NBEA: variants seen among roughly 807,000 people sequenced by gnomAD.
NBEA encodes the protein neurobeachin.
A neutral mutation model predicts 343.4 loss-of-function variants in NBEA; 44 were observed. The observed-to-expected ratio is 0.13, with a 90% CI of 0.10 to 0.16. The LOEUF (loss-of-function observed/expected upper bound fraction) is 0.16, where lower values mean the gene tolerates loss of function less well. Ranked by LOEUF, NBEA falls within the 10% of genes least tolerant of loss-of-function variation. The pLI, the probability that NBEA is intolerant of heterozygous loss-of-function variation, is 1.00. For synonymous variants in NBEA, 1,175 were observed against 1,238.7 expected (o/e 0.95, Z 1.08); for missense variants, 2,555 against 3,631.3 (o/e 0.70, Z 7.62).
At chr13:35,486,435 T>G (rs1438122632) in intron 41 of NBEA, among the ~76,000 whole-genome samples, 1 of 152,130 alleles carries the variant, frequency 6.6e-6, no homozygotes, top group African/African-American at 2.4e-5. Flanking sequence ...CATTTGATAC[T>G]TAAAATAATT....
chr13:34,948,622 C>G (rs577245339), intron 1 of NBEA, among the ~76,000 whole-genome samples: 6 of 152,136 alleles, frequency 3.9e-5, no homozygotes, highest in Non-Finnish European at 8.8e-5. Flanking sequence ...ACATTAGTAT[C>G]TGGAAATGAC....
chr13:35,190,435 A>G (rs2072098296), intron 30 of NBEA, among the ~76,000 whole-genome samples: 1 of 152,110 alleles, frequency 6.6e-6, no homozygotes. Flanking sequence ...AGAGAGTTTT[A>G]AACCATGAGA....
At chr13:35,088,664 T>A (rs2786224) in intron 10 of NBEA, among the ~76,000 whole-genome samples, 5,301 of 151,780 alleles carry the variant, frequency 0.035, 178 homozygotes, top group East Asian at 0.14. Flanking sequence ...AAACTTTTTT[T>A]AAAAAAAATC....
intron 48 of NBEA, among the ~76,000 whole-genome samples, chr13:35,620,422 CA>C (rs2082929291): frequency 6.6e-6 from 1 of 151,916 alleles, no homozygotes; most frequent in Non-Finnish European, 1.5e-5. Flanking sequence ...AACATTAGAG[CA>C]AAGGCCTTAT....
chr13:35,000,441 A>G (rs188196039), intron 1 of NBEA, among the ~76,000 whole-genome samples: 19 of 152,180 alleles, frequency 1.2e-4, no homozygotes, highest in African/African-American at 4.3e-4. Flanking sequence ...AAAAGAATAA[A>G]TCTACATGTA....
chr13:35,350,941 T>G (rs994953251), intron 37 of NBEA, among the ~76,000 whole-genome samples: 7 of 151,990 alleles, frequency 4.6e-5, no homozygotes, highest in Non-Finnish European at 1.5e-5. Context: ...TTTAGTTAAC[T>G]ACTGTAGTTG....
intron 40 of NBEA, among the ~76,000 whole-genome samples, chr13:35,461,940 G>A (rs1398328326): frequency 1.3e-5 from 2 of 152,166 alleles, no homozygotes; most frequent in African/African-American, 4.8e-5. Flanking sequence ...CAAATAGCTA[G>A]TCCAGTAGAA....
At chr13:35,537,520 A>T (rs1257523246) in intron 41 of NBEA, among the ~76,000 whole-genome samples, 1 of 152,194 alleles carries the variant, frequency 6.6e-6, no homozygotes, top group African/African-American at 2.4e-5. Context: ...ATTAAAAATG[A>T]AATTATACAA....
At chr13:35,508,988 G>C (rs1349157534) in intron 41 of NBEA, among the ~76,000 whole-genome samples, 3 of 152,218 alleles carry the variant, frequency 2.0e-5, no homozygotes, top group African/African-American at 7.2e-5. Flanking sequence ...TGTCTACTGT[G>C]TGCCTTTCAA....
chr13:35,091,858 G>A (rs1259444576), intron 10 of NBEA, among the ~76,000 whole-genome samples: 1 of 151,874 alleles, frequency 6.6e-6, no homozygotes, highest in Non-Finnish European at 1.5e-5. Flanking sequence ...CATTAAATTG[G>A]TAGATACATG....
At chr13:35,669,087 T>C (rs149908590) in intron 58 of NBEA, among the ~76,000 whole-genome samples, 180 of 152,348 alleles carry the variant, frequency 1.2e-3, no homozygotes, top group African/African-American at 4.1e-3. Context: ...GTTAATCCTT[T>C]AATCCAGCTC....
chr13:35,636,620 A>C (rs1357711118), intron 49 of NBEA, among the ~76,000 whole-genome samples: 3 of 152,030 alleles, frequency 2.0e-5, no homozygotes, highest in African/African-American at 7.2e-5. Flanking sequence ...CTCCCCCTCA[A>C]CTTGTTTTCC....
chr13:35,142,173 G>C (rs903671965), intron 17 of NBEA, 96 bp from the exon 18 acceptor site: 1 of 645,126 alleles, frequency 1.6e-6, no homozygotes, highest in East Asian at 2.6e-5. Flanking sequence ...GTATTATTCT[G>C]TATCTGCTTA....
chr13:35,445,978 C>G (rs1018107118), intron 39 of NBEA, among the ~76,000 whole-genome samples: 31 of 151,526 alleles, frequency 2.0e-4, no homozygotes, highest in African/African-American at 7.5e-4. Context: ...CTCCCCACCC[C>G]ACAACAGGCC....
At chr13:35,175,254 A>G (rs2070797699) in intron 27 of NBEA, among the ~76,000 whole-genome samples, 1 of 152,184 alleles carries the variant, frequency 6.6e-6, no homozygotes, top group Admixed American at 6.6e-5. Context: ...TAAAATGGAT[A>G]CAAATCTTAA....
Position 35,628,062 on chromosome 13 carries a change from C to T in NBEA, c.7450-19C>T. ...ACTAAGTTTTGATGGTCTCTCATTT[C>T]TTTCTTGACTCATTTCAGGCCCTAG... On this transcript the variant is annotated intron_variant, in intron 48 of 58. Transcript: ENST00000379939. 3 of 1,595,478 alleles carry T rather than the reference C, an allele frequency of 1.9e-6. No homozygotes were observed. The highest frequency in any genetic ancestry group is 2.6e-6 in the Non-Finnish European group (3 of 1,170,620).
At chr13:35,258,540 TA>T (rs144726188) in intron 34 of NBEA, among the ~76,000 whole-genome samples, 7,055 of 148,758 alleles carry the variant, frequency 0.047, 175 homozygotes, top group African/African-American at 0.068. Flanking sequence ...TTACTGGCCA[TA>T]AAAAAAAAAC....
At chr13:35,383,344 T>A (rs1432495799) in intron 38 of NBEA, among the ~76,000 whole-genome samples, 4 of 152,154 alleles carry the variant, frequency 2.6e-5, no homozygotes, top group Admixed American at 6.5e-5. Context: ...ATATGCCTAA[T>A]CAATATATTA....
chr13:35,385,329 C>A (rs1349183149), intron 38 of NBEA, among the ~76,000 whole-genome samples: 1 of 152,074 alleles, frequency 6.6e-6, no homozygotes, highest in Non-Finnish European at 1.5e-5. Context: ...AAGCATTTTG[C>A]TTCCACCTGG....
Sources: allele counts gnomAD v4.1 joint callset (sites outside exome capture counted in the v4.1 genomes callset), GRCh38; gene constraint gnomAD v4.1.1; transcripts MANE v1.5; gene names NCBI Gene and HGNC (gene_info 2026-07-23, HGNC 2026-07-21).